The following INTU variants were observed in gnomAD, a reference collection of about 807,000 sequenced individuals.
The protein encoded by INTU is inturned planar cell polarity protein.
A neutral mutation model predicts 100.5 loss-of-function variants in INTU; 68 were observed. The observed-to-expected ratio is 0.68, with a 90% CI of 0.56 to 0.83. The LOEUF (loss-of-function observed/expected upper bound fraction) is 0.83, where lower values mean the gene tolerates loss of function less well. Among genes scored for constraint, INTU ranks in the 40% least tolerant of loss-of-function variants. The pLI, the probability that INTU is intolerant of heterozygous loss-of-function variation, is 0.00. For missense variants in INTU, 1,071 were observed against 1,114.7 expected, an observed-to-expected ratio of 0.96 and a Z score of 0.56; for synonymous variants, 357 against 395.7, an observed-to-expected ratio of 0.90 and a Z score of 1.16.
In INTU at chr4:127,676,956, A is replaced by C. The variant is rs190199860; in HGVS notation, c.1181+2743A>C. On this transcript the variant is annotated intron_variant, in intron 6 of 15. Coordinates refer to ENST00000335251, the MANE Select transcript of INTU (RefSeq NM_015693.4). ...CGCACCAGGAGATTATATCCCGCAC[A>C]TGGCTCGGAGGGTCCTACGCCCACG... Among the ~76,000 whole-genome samples, 934 of 152,282 alleles carry C rather than the reference A, an allele frequency of 6.1e-3. 10 individuals carry two copies. Among genetic ancestry groups the C allele is most frequent in the Middle Eastern group, 0.021 (6 of 292 alleles).
intron 15 of INTU, 114 bp downstream of exon 15, chr4:127,714,207 A>T: frequency 1.6e-6 from 1 of 637,676 alleles, no homozygotes; most frequent in Non-Finnish European, 2.5e-6. Context: ...TAGCTATACT[A>T]TTTTAATATA....
In INTU at chr4:127,722,138, T is replaced by G. The variant is rs1731354818; in HGVS notation, c.*5702T>G. The G allele has an allele frequency of 6.6e-6, 1 of 152,266 alleles. No individual in the cohort carries two copies. Among genetic ancestry groups the G allele is most frequent in the South Asian group, 2.1e-4 (1 of 4,820 alleles). The allele number at this position is 152,266 out of a possible 1,614,324, so 9.4% of individuals were successfully genotyped here. A position where few individuals can be genotyped will look rare whatever the true frequency, so the allele number is the denominator to read the frequency against. On this transcript the variant is annotated 3_prime_UTR_variant, in exon 16 of 16. Coordinates refer to ENST00000335251, the MANE Select transcript of INTU (RefSeq NM_015693.4). ...GAGTCTGCTGACTTTTGGATGAGGTTTTTGTGGTGTCTTTTTTGTTGATGT... is the reference window on the plus strand; with the variant it reads ...GAGTCTGCTGACTTTTGGATGAGGTGTTTGTGGTGTCTTTTTTGTTGATGT...
chr4:127,643,718 C>T lies in INTU; in HGVS notation c.344C>T (p.Thr115Ile), dbSNP rs952591384. The T allele has an allele frequency of 1.2e-6, 2 of 1,608,192 alleles. No homozygotes were observed. Among genetic ancestry groups the T allele is most frequent in the Admixed American group, 1.7e-5 (1 of 58,444 alleles). The change falls in exon 2 of 16, where the codon ACC (threonine) becomes ATC (isoleucine). Residue 115 changes from threonine to isoleucine, a missense_variant. Thr to Ile is a moderately conservative substitution (Grantham distance 89). Coordinates refer to ENST00000335251, the MANE Select transcript of INTU (RefSeq NM_015693.4). Reference protein sequence around the residue: ...KKYEPKLKQFTKILRRKRLLP... With the variant: ...KKYEPKLKQFIKILRRKRLLP... ...TATGAACCCAAACTCAAGCAGTTTA[C>T]CAAAATTTTAAGAAGGAAAAGACTT...
intron 2 of INTU, 140 bp from the exon 3 acceptor site, chr4:127,656,496 T>G (rs774755726): frequency 7.9e-5 from 47 of 593,560 alleles, no homozygotes; most frequent in Middle Eastern, 3.4e-4. Context: ...TGTATAAACC[T>G]GGACAAGTTC....
intron 6 of INTU, 61 bp from the exon 7 acceptor site, chr4:127,684,348 C>A (rs992094181): frequency 1.3e-4 from 115 of 916,076 alleles, no homozygotes; most frequent in Non-Finnish European, 1.7e-4. Flanking sequence ...TGATCTACTT[C>A]TTTTAGATAA....
At chr4:127,655,249 TG>T (rs1728131124) in intron 2 of INTU, among the ~76,000 whole-genome samples, 1 of 152,212 alleles carries the variant, frequency 6.6e-6, no homozygotes, top group Non-Finnish European at 1.5e-5. Context: ...CATCCAGCTT[TG>T]TTCCGTTGCT....
intron 9 of INTU, 82 bp downstream of exon 9, chr4:127,700,145 T>C: frequency 9.0e-7 from 1 of 1,113,102 alleles, no homozygotes; most frequent in Non-Finnish European, 1.3e-6. Flanking sequence ...ATTTACCAAG[T>C]GGATATATAA....
At chr4:127,633,987 C>G (rs987833957) in intron 1 of INTU, among the ~76,000 whole-genome samples, 1 of 152,156 alleles carries the variant, frequency 6.6e-6, no homozygotes, top group African/African-American at 2.4e-5. Flanking sequence ...TGTCAACTAA[C>G]CCAGTAATGG....
chr4:127,706,590 C>T lies in INTU; in HGVS notation c.1892C>T (p.Thr631Ile), dbSNP rs1730888406. Residue 631 changes from threonine (T) to isoleucine (I), a missense_variant, in exon 12 of 16, where the codon ACT becomes ATT. By Grantham distance (89) the Thr-to-Ile change is moderately conservative. Transcript: ENST00000335251. ...DCVYVDQVKTTLHQLDGVDSR... is the reference protein window; with the variant it reads ...DCVYVDQVKTILHQLDGVDSR... ...GTATATGTGGATCAAGTCAAAACAA[C>T]TCTTCACCAGCTGGATGGAGTAGAT... 2.5e-6 allele frequency: 4 copies of T among 1,614,046 alleles called. No homozygotes were observed. In the East Asian group the frequency reaches 8.9e-5, roughly 36 times the overall value.
chr4:127,655,240 A>G (rs1219613055), intron 2 of INTU, among the ~76,000 whole-genome samples: 3 of 152,104 alleles, frequency 2.0e-5, no homozygotes, highest in Non-Finnish European at 4.4e-5. Context: ...GTCATTCTCC[A>G]TCCAGCTTTG....
intron 6 of INTU, among the ~76,000 whole-genome samples, chr4:127,682,088 A>C (rs1410584328): frequency 2.6e-5 from 4 of 152,050 alleles, no homozygotes; most frequent in Admixed American, 2.6e-4. Flanking sequence ...GGCAATGATT[A>C]AAAAGTCAGG....
chr4:127,680,395 G>T (rs1266364937), intron 6 of INTU, among the ~76,000 whole-genome samples: 2 of 138,396 alleles, frequency 1.4e-5, no homozygotes, highest in Non-Finnish European at 3.1e-5. Context: ...ACATCAAAAA[G>T]CTTATCCACC....
chr4:127,659,217 A>C (rs1728366344), intron 3 of INTU, among the ~76,000 whole-genome samples: 1 of 152,134 alleles, frequency 6.6e-6, no homozygotes, highest in Admixed American at 6.5e-5. Context: ...CATGGCCTGT[A>C]AGAAGATGCC....
chr4:127,657,073 GACTT>G (rs1425165557), intron 3 of INTU, among the ~76,000 whole-genome samples: 2 of 151,918 alleles, frequency 1.3e-5, no homozygotes, highest in Non-Finnish European at 1.5e-5. Flanking sequence ...TCTGTTCTCT[GACTT>G]ACTAAGATCA....
chr4:127,648,254 C>T (rs191999426), intron 2 of INTU, among the ~76,000 whole-genome samples: 2 of 152,066 alleles, frequency 1.3e-5, no homozygotes, highest in East Asian at 1.9e-4. Flanking sequence ...TGCAAAGGTG[C>T]GATGTCCGGG....
At position 127,643,848 on chromosome 4, in the gene INTU, C is replaced by T. The variant is rs751172718; in HGVS notation, c.474C>T (p.Tyr158=). The stretch of plus-strand genomic sequence containing the variant: ...CAGGAGTCATTGTCCAACAGCGATA[C>T]AAAGATGTGAATGTTTATGTAAACC... ...QKTGVIVQQR[Y]KDVNVYVNPK... Residue 158 remains tyrosine (Y), a synonymous_variant, in exon 2 of 16, where the codon TAC becomes TAT. Coordinates refer to ENST00000335251, the MANE Select transcript of INTU (RefSeq NM_015693.4). 9 of 1,613,896 alleles carry T rather than the reference C, an allele frequency of 5.6e-6. No homozygotes were observed. Among genetic ancestry groups the T allele is most frequent in the South Asian group, 4.4e-5 (4 of 91,086 alleles).
chr4:127,694,760 A>G (rs1730307893), intron 8 of INTU, among the ~76,000 whole-genome samples: 1 of 152,130 alleles, frequency 6.6e-6, no homozygotes, highest in East Asian at 1.9e-4. Flanking sequence ...CCATTTGTTG[A>G]AAAGACCATC....
rs77680178 is a variant in INTU, at chr4:127,663,576, A to G, written c.964A>G (p.Lys322Glu). The G allele has an allele frequency of 8.1e-6, 13 of 1,612,648 alleles. No homozygotes were observed. Among genetic ancestry groups the G allele is most frequent in the South Asian group, 1.1e-5 (1 of 90,974 alleles). ...ACTACAGCTCGACTCAGAAACCTCA[A>G]AGGAAGAGGTGAGTGTCCTCAAAAG... ...LTLQLDSETS[K>E]EEQEILYHYP... is the part of the protein sequence containing the mutation. The change falls in exon 4 of 16, where the codon AAG becomes GAG. Residue 322 changes from lysine (K) to glutamate (E), a missense_variant. Physicochemically the swap from Lys to Glu is moderately conservative, Grantham distance 56 (BLOSUM62 1). Coordinates refer to ENST00000335251, the MANE Select transcript of INTU (RefSeq NM_015693.4).
chr4:127,650,330 A>G (rs1286057774), intron 2 of INTU, among the ~76,000 whole-genome samples: 1 of 149,290 alleles, frequency 6.7e-6, no homozygotes, highest in African/African-American at 2.5e-5. Context: ...CCACTAACTC[A>G]TCATCTAGCA....
Sources: gnomAD v4.1 joint callset for allele counts (sites outside exome capture counted in the v4.1 genomes callset) on GRCh38, gnomAD v4.1.1 for gene constraint, MANE v1.5 for transcripts, NCBI Gene and HGNC (gene_info 2026-07-23, HGNC 2026-07-21) for gene names.